PKNOX2: variants seen among roughly 807,000 people sequenced by gnomAD.
PKNOX2 encodes the protein homeobox protein PKNOX2.
In PKNOX2, 14 loss-of-function variants were observed where a neutral mutation model predicts 53.1. The ratio of observed to expected loss-of-function variants is 0.26; its 90% CI spans 0.17 to 0.41. The LOEUF is 0.41. PKNOX2 is among the 10% of genes least tolerant of loss of function. The pLI is 1.00. For missense variants in PKNOX2, 496 were observed against 602.8 expected (o/e 0.82, Z 1.85); for synonymous variants, 257 against 242.8 (o/e 1.06, Z -0.54).
rs144221780 is a variant in PKNOX2 at position 125,322,529 on chromosome 11, G to A, written c.-129-9290G>A. ...AAGCCCACTAATGACCACCTTCCCCGCCCCACCCAGGATGGCGCTGCTCTC... is the reference window on the plus strand; with the variant it reads ...AAGCCCACTAATGACCACCTTCCCCACCCCACCCAGGATGGCGCTGCTCTC... On this transcript the variant is annotated intron_variant, in intron 2 of 12. Coordinates refer to ENST00000298282, the MANE Select transcript of PKNOX2 (RefSeq NM_001382323.2). Among the ~76,000 whole-genome samples the A allele has an allele frequency of 3.3e-3, 496 of 152,210 alleles. 6 individuals are homozygous for A. The highest frequency in any genetic ancestry group is 6.8e-3 in the Middle Eastern group (2 of 294).
intron 1 of PKNOX2, among the ~76,000 whole-genome samples, chr11:125,228,229 G>A (rs1425063428): frequency 6.6e-6 from 1 of 152,230 alleles, no homozygotes; most frequent in Non-Finnish European, 1.5e-5. Flanking sequence ...GTGCTGTTGA[G>A]CACTTGAAAT....
Position 125,410,105 on chromosome 11 carries a change from C to T in PKNOX2, c.589-91C>T, listed in dbSNP as rs576806254. 1.8e-4 allele frequency: 266 copies of T among 1,497,278 alleles called. 4 individuals are homozygous for T. In the African/African-American group the frequency reaches 3.4e-3, roughly 19 times the overall value. The allele number at this position is 1,497,278 out of a possible 1,614,324, so 92.7% of individuals were successfully genotyped here. On this transcript the variant is annotated intron_variant, in intron 7 of 12. Transcript: ENST00000298282. Reference sequence around the variant, plus strand: ...AGCTAGAAGGAGGGAGGGGGGCAGGCAGGAAGGGGAAAGGACGGAAGAGGA... The same window carrying T: ...AGCTAGAAGGAGGGAGGGGGGCAGGTAGGAAGGGGAAAGGACGGAAGAGGA...
At chr11:125,273,325 G>A (rs1056353513) in intron 2 of PKNOX2, among the ~76,000 whole-genome samples, 4 of 152,226 alleles carry the variant, frequency 2.6e-5, no homozygotes. Context: ...AGCTGAAAAG[G>A]CAGGCGGCAA....
rs1943076306 is a variant in PKNOX2 at position 125,240,659 on chromosome 11, G to A, written c.-130+5544G>A. Among the ~76,000 whole-genome samples, 2 of 152,086 alleles carry A rather than the reference G, an allele frequency of 1.3e-5. No homozygotes were observed. Among genetic ancestry groups the A allele is most frequent in the African/African-American group, 4.8e-5 (2 of 41,402 alleles). ...ATTTCCCTCTTTTTTCTTTCTCTGT[G>A]GTGCCTGTCACTTCCACCATTACCC... On this transcript the variant is annotated intron_variant, in intron 2 of 12. Coordinates refer to ENST00000298282, the MANE Select transcript of PKNOX2 (RefSeq NM_001382323.2). This position sits in a 1 kb window ranked among gnomAD's most constrained non-coding sequence, Gnocchi z 4.3.
rs747433726 is a variant in PKNOX2 at position 125,397,858 on chromosome 11, T to G, written c.400-16T>G. ...GGATGCAAACACCTGGGCTCACCTC[T>G]CCTCCCTCTCCACAGATGGTGAAGG... On this transcript the variant is annotated splice_polypyrimidine_tract_variant and intron_variant, in intron 6 of 12. Transcript: ENST00000298282. The G allele has an allele frequency of 7.5e-6, 12 of 1,598,870 alleles. No homozygotes were observed. The South Asian group carries it at 1.4e-4, about 18-fold the overall frequency.
intron 10 of PKNOX2, among the ~76,000 whole-genome samples, chr11:125,412,473 G>A (rs1395210504): frequency 1.3e-5 from 2 of 152,220 alleles, no homozygotes; most frequent in Non-Finnish European, 2.9e-5. Flanking sequence ...TTACTGAAGT[G>A]CATACTGTGT....
At chr11:125,297,868 C>A (rs1378918953) in intron 2 of PKNOX2, among the ~76,000 whole-genome samples, 1 of 152,208 alleles carries the variant, frequency 6.6e-6, no homozygotes, top group Non-Finnish European at 1.5e-5. Flanking sequence ...CCCCATATCA[C>A]CCTTCCCATA....
intron 2 of PKNOX2, among the ~76,000 whole-genome samples, chr11:125,316,391 T>C (rs1949194677): frequency 6.6e-6 from 1 of 152,222 alleles, no homozygotes; most frequent in African/African-American, 2.4e-5. Flanking sequence ...AAGAGGAATT[T>C]AATCCCTAGC....
chr11:125,378,095 T>C (rs566319029), intron 5 of PKNOX2, among the ~76,000 whole-genome samples: 2 of 152,298 alleles, frequency 1.3e-5, no homozygotes, highest in African/African-American at 4.8e-5. Flanking sequence ...GGAAAGTAGT[T>C]TCTAGGCTAT....
At chr11:125,270,115 C>G (rs1268641816) in intron 2 of PKNOX2, among the ~76,000 whole-genome samples, 3 of 152,150 alleles carry the variant, frequency 2.0e-5, no homozygotes, top group Non-Finnish European at 2.9e-5. Flanking sequence ...AGCCATTGCC[C>G]CCTCAGGTTT....
intron 6 of PKNOX2, among the ~76,000 whole-genome samples, chr11:125,394,158 T>C (rs1954249781): frequency 6.6e-6 from 1 of 152,164 alleles, no homozygotes; most frequent in African/African-American, 2.4e-5. Flanking sequence ...CAGCAACGCA[T>C]ATGTGTTAAG....
At chr11:125,300,558 G>A (rs1411037153) in intron 2 of PKNOX2, among the ~76,000 whole-genome samples, 1 of 152,072 alleles carries the variant, frequency 6.6e-6, no homozygotes, top group African/African-American at 2.4e-5. Context: ...GTGTGTGCGT[G>A]CACAGAGAGA....
intron 1 of PKNOX2, among the ~76,000 whole-genome samples, chr11:125,172,191 C>T (rs1221585377): frequency 1.3e-5 from 2 of 152,188 alleles, no homozygotes; most frequent in East Asian, 3.9e-4. Flanking sequence ...CTACCTATCC[C>T]AGGTGGCCAG....
At chr11:125,231,542 G>A (rs1222691454) in intron 1 of PKNOX2, among the ~76,000 whole-genome samples, 1 of 152,218 alleles carries the variant, frequency 6.6e-6, no homozygotes, top group Non-Finnish European at 1.5e-5. Flanking sequence ...TGCCTGTGAG[G>A]ATCACAGACA....
intron 4 of PKNOX2, among the ~76,000 whole-genome samples, chr11:125,355,315 C>T (rs1024993765): frequency 1.3e-5 from 2 of 150,614 alleles, no homozygotes; most frequent in African/African-American, 4.9e-5. Flanking sequence ...AGTGCAAAAG[C>T]AACAACCTAG....
At chr11:125,170,741 A>G (rs1283431393) in intron 1 of PKNOX2, among the ~76,000 whole-genome samples, 1 of 152,236 alleles carries the variant, frequency 6.6e-6, no homozygotes, top group Non-Finnish European at 1.5e-5. Context: ...AGGATATTTT[A>G]AAACTGAAGC....
intron 1 of PKNOX2, 116 bp from the exon 2 acceptor site, chr11:125,234,929 A>T (rs1218888192): frequency 1.3e-5 from 2 of 152,730 alleles, no homozygotes; most frequent in African/African-American, 4.8e-5. Context: ...CATGGCTGCC[A>T]GCCCTGGCCT....
At chr11:125,326,865 G>T (rs1158635263) in intron 2 of PKNOX2, among the ~76,000 whole-genome samples, 3 of 152,220 alleles carry the variant, frequency 2.0e-5, no homozygotes, top group African/African-American at 7.2e-5. Context: ...AGCTGGTCCT[G>T]GCTGCCACAC....
chr11:125,257,947 C>T (rs996365346), intron 2 of PKNOX2, among the ~76,000 whole-genome samples: 2 of 152,164 alleles, frequency 1.3e-5, no homozygotes, highest in African/African-American at 4.8e-5. Context: ...GTTAACCTGC[C>T]TTCCCAAGAA....
Sources: allele counts gnomAD v4.1 joint callset (sites outside exome capture counted in the v4.1 genomes callset), GRCh38; gene constraint gnomAD v4.1.1; non-coding constraint Gnocchi (gnomAD v3.1); transcripts MANE v1.5; gene names NCBI Gene and HGNC (gene_info 2026-07-23, HGNC 2026-07-21).